Variants in TFB2M observed in about 807,000 individuals in gnomAD.
TFB2M encodes transcription factor B2, mitochondrial.
In TFB2M, 44 loss-of-function variants were observed where a neutral mutation model predicts 41.3. The observed-to-expected ratio is 1.07, with a 90% CI of 0.84 to 1.37. The LOEUF is 1.37. TFB2M is among the 40% of genes most tolerant of loss of function. The probability of loss-of-function intolerance (pLI) is 0.00; values close to 1 mark genes in which losing one functional copy is unlikely to be tolerated. For missense variants in TFB2M, 496 were observed against 490.2 expected (o/e 1.01, Z -0.11); for synonymous variants, 188 against 176.8 (o/e 1.06, Z -0.50).
At chr1:246,548,485 AATAAAAT>A in intron 6 of TFB2M, 53 bp downstream of exon 6, 1 of 1,433,750 alleles carries the variant, frequency 7.0e-7, no homozygotes, top group East Asian at 2.4e-5. Context: ...GTCCTAAAAA[AATAAAAT>A]AAAAAATACG....
chr1:246,563,157 A>C (rs1247067847), intron 2 of TFB2M, among the ~76,000 whole-genome samples: 1 of 151,436 alleles, frequency 6.6e-6, no homozygotes, highest in Non-Finnish European at 1.5e-5. Context: ...AACAGCTGAC[A>C]CAGGGATTCT....
intron 7 of TFB2M, among the ~76,000 whole-genome samples, chr1:246,543,815 A>G (rs981658152): frequency 2.6e-5 from 4 of 152,070 alleles, no homozygotes; most frequent in East Asian, 1.9e-4. Flanking sequence ...AAATATAAAA[A>G]TTTTATATTT....
chr1:246,542,105 G>GT (rs1403667953), intron 7 of TFB2M, among the ~76,000 whole-genome samples: 7 of 152,058 alleles, frequency 4.6e-5, no homozygotes, highest in Non-Finnish European at 1.0e-4. Context: ...GTAGGCAACT[G>GT]TAACACAATG....
chr1:246,556,799 C>G, intron 3 of TFB2M, 78 bp from the exon 4 acceptor site: 1 of 1,166,046 alleles, frequency 8.6e-7, no homozygotes, highest in Non-Finnish European at 1.2e-6. Context: ...TTGAGACAAA[C>G]TAAGTTAACA....
At position 246,564,382 on chromosome 1, in the gene TFB2M, C is replaced by A. The variant is rs145781366; in HGVS notation, c.366G>T (p.Ala122=). The change falls in exon 2 of 8, where the codon GCG becomes GCT. Residue 122 remains alanine (A), a synonymous_variant. Transcript: ENST00000366514. ...ALLEAGAKVV[A]LESDKTFIPH... ...GAATAAAAGTTTTGTCACTTTCGAG[C>A]GCAACCACTTTGGCACCAGCTTCAA... 3.5e-4 allele frequency: 560 copies of A among 1,614,144 alleles called. 3 individuals are homozygous for A. In the East Asian group the frequency reaches 0.011, roughly 31 times the overall value.
intron 6 of TFB2M, among the ~76,000 whole-genome samples, chr1:246,546,139 A>G (rs1659012706): frequency 7.3e-6 from 1 of 136,546 alleles, no homozygotes; most frequent in African/African-American, 2.6e-5. Flanking sequence ...ACACAGGGAG[A>G]CTCCTTCTTT....
intron 1 of TFB2M, among the ~76,000 whole-genome samples, chr1:246,565,254 T>A (rs1659588390): frequency 6.6e-6 from 1 of 152,274 alleles, no homozygotes; most frequent in South Asian, 2.1e-4. Context: ...TTTTTTCAGC[T>A]GGCAGAGGCT....
At chr1:246,563,202 C>CTT (rs34409344) in intron 2 of TFB2M, among the ~76,000 whole-genome samples, 5 of 143,250 alleles carry the variant, frequency 3.5e-5, no homozygotes, top group African/African-American at 1.0e-4. Context: ...TCTGAACACA[C>CTT]TTTTTTTTTT....
chr1:246,543,971 C>T (rs1658931255), intron 7 of TFB2M, among the ~76,000 whole-genome samples: 1 of 152,164 alleles, frequency 6.6e-6, no homozygotes, highest in Admixed American at 6.5e-5. Context: ...GCCTGGACAA[C>T]ACAGCGAGAC....
At chr1:246,548,859 A>G (rs1372348329) in intron 5 of TFB2M, among the ~76,000 whole-genome samples, 1 of 152,218 alleles carries the variant, frequency 6.6e-6, no homozygotes, top group African/African-American at 2.4e-5. Context: ...CTGTTATGCA[A>G]TTACGCAAAT....
Position 246,540,883 on chromosome 1 carries a change from G to T in TFB2M, c.*148C>A. On this transcript the variant is annotated 3_prime_UTR_variant, in exon 8 of 8. Coordinates refer to ENST00000366514, the MANE Select transcript of TFB2M (RefSeq NM_022366.3). Reference sequence around the variant, plus strand: ...ACACTGTTTCATCCAATAAGCCAATGATATCAGCTTAGGAGAAATGATCTG... The same window carrying T: ...ACACTGTTTCATCCAATAAGCCAATTATATCAGCTTAGGAGAAATGATCTG... 1 of 605,884 alleles carries T rather than the reference G, an allele frequency of 1.7e-6. No homozygotes were observed. The highest frequency in any genetic ancestry group is 2.7e-6 in the Non-Finnish European group (1 of 365,596). The allele number at this position is 605,884 out of a possible 1,614,324, so 37.5% of individuals were successfully genotyped here.
intron 2 of TFB2M, among the ~76,000 whole-genome samples, chr1:246,563,955 CTAAA>C (rs1659523241): frequency 6.6e-6 from 1 of 152,192 alleles, no homozygotes; most frequent in Non-Finnish European, 1.5e-5. Context: ...CTTTCAAACC[CTAAA>C]TATAGAGGTT....
At chr1:246,548,778 T>C (rs2102985453) in intron 5 of TFB2M, among the ~76,000 whole-genome samples, 171 bp from the exon 6 acceptor site, 1 of 152,358 alleles carries the variant, frequency 6.6e-6, no homozygotes, top group Non-Finnish European at 1.5e-5. Context: ...CCTTAATTTT[T>C]TTAAAGAGGA....
At chr1:246,545,027 G>C (rs374177196) in intron 6 of TFB2M, among the ~76,000 whole-genome samples, 2,862 of 150,684 alleles carry the variant, frequency 0.019, 33 homozygotes, top group African/African-American at 0.021. Flanking sequence ...GGATGGTCTC[G>C]ATCTCCTGAC....
chr1:246,565,376 G>A (rs905150726), intron 1 of TFB2M, among the ~76,000 whole-genome samples: 13 of 152,148 alleles, frequency 8.5e-5, no homozygotes, highest in Admixed American at 5.9e-4. Context: ...CAGACTCTAC[G>A]CTTATGTAGT....
intron 2 of TFB2M, among the ~76,000 whole-genome samples, chr1:246,562,101 T>C (rs1458599568): frequency 2.6e-5 from 4 of 152,224 alleles, no homozygotes; most frequent in South Asian, 4.1e-4. Flanking sequence ...TTCAAAACAG[T>C]AAGTGGTAGA....
intron 3 of TFB2M, 63 bp from the exon 4 acceptor site, chr1:246,556,784 T>C (rs1659334902): frequency 7.4e-7 from 1 of 1,344,148 alleles, no homozygotes; most frequent in Non-Finnish European, 1.0e-6. Flanking sequence ...TATGTCCATA[T>C]TTTTTTGAGA....
intron 6 of TFB2M, among the ~76,000 whole-genome samples, chr1:246,545,815 A>T (rs372164878): frequency 2.1e-5 from 3 of 140,782 alleles, no homozygotes; most frequent in African/African-American, 9.1e-5. Flanking sequence ...CTGATTCGAA[A>T]AAAAAAAAAA....
intron 4 of TFB2M, 137 bp downstream of exon 4, chr1:246,556,436 A>C: frequency 1.5e-6 from 1 of 652,528 alleles, no homozygotes; most frequent in South Asian, 3.5e-5. Context: ...CCTGAGCATA[A>C]GACTGCTCTG....
Sources: gnomAD v4.1 joint callset for allele counts (sites outside exome capture counted in the v4.1 genomes callset) on GRCh38, gnomAD v4.1.1 for gene constraint, MANE v1.5 for transcripts, NCBI Gene and HGNC (gene_info 2026-07-23, HGNC 2026-07-21) for gene names.